Variants in TUSC3 observed in about 807,000 individuals in gnomAD.
The protein encoded by TUSC3 is tumor suppressor candidate 3, also known as dolichyl-diphosphooligosaccharide--protein glycosyltransferase subunit TUSC3.
A neutral mutation model predicts 44.8 loss-of-function variants in TUSC3; 45 were observed. That is an observed-to-expected ratio of 1.00 (90% CI 0.79 to 1.29). The LOEUF (loss-of-function observed/expected upper bound fraction) is 1.29, where lower values mean the gene tolerates loss of function less well. Ranked by LOEUF, TUSC3 falls within the 50% of genes most tolerant of loss-of-function variation. The probability of loss-of-function intolerance (pLI) is 0.00; values close to 1 mark genes in which losing one functional copy is unlikely to be tolerated. For synonymous variants in TUSC3, 212 were observed against 152.9 expected, an observed-to-expected ratio of 1.39 and a Z score of -2.85; for missense variants, 519 against 437.9, an observed-to-expected ratio of 1.19 and a Z score of -1.65.
At chr8:15,568,634 G>C (rs1048579322) in intron 1 of TUSC3, among the ~76,000 whole-genome samples, 6 of 136,420 alleles carry the variant, frequency 4.4e-5, no homozygotes, top group African/African-American at 1.4e-4. Flanking sequence ...GTGGAGTCTT[G>C]CTTTATCGCC....
At chr8:15,721,837 T>C (rs945786024) in intron 6 of TUSC3, among the ~76,000 whole-genome samples, 2 of 152,072 alleles carry the variant, frequency 1.3e-5, no homozygotes, top group Admixed American at 6.6e-5. Context: ...ATTTTTGTTG[T>C]CTCAACATTT....
At chr8:15,496,160 T>C (rs981724968) in intron 2 of TUSC3, among the ~76,000 whole-genome samples, 3 of 152,208 alleles carry the variant, frequency 2.0e-5, no homozygotes, top group Non-Finnish European at 2.9e-5. Context: ...ACGTCCTTGA[T>C]AAATGATGTA....
At chr8:15,707,327 G>A (rs538272179) in intron 6 of TUSC3, among the ~76,000 whole-genome samples, 2 of 152,080 alleles carry the variant, frequency 1.3e-5, no homozygotes, top group East Asian at 3.9e-4. Flanking sequence ...TCTGCAATAA[G>A]CATTGTAATA....
intron 2 of TUSC3, among the ~76,000 whole-genome samples, chr8:15,521,664 A>T (rs1218640036): frequency 1.3e-5 from 2 of 152,154 alleles, no homozygotes; most frequent in Admixed American, 1.3e-4. Flanking sequence ...TTACGAATTT[A>T]TGTTGGGCTG....
chr8:15,716,455 A>C (rs1810063627), intron 6 of TUSC3, among the ~76,000 whole-genome samples: 1 of 152,128 alleles, frequency 6.6e-6, no homozygotes, highest in African/African-American at 2.4e-5. Flanking sequence ...GAAATCTATA[A>C]AGAAAAAGAG....
chr8:15,651,268 T>A (rs1376801947), intron 3 of TUSC3, among the ~76,000 whole-genome samples: 1 of 152,208 alleles, frequency 6.6e-6, no homozygotes, highest in African/African-American at 2.4e-5. Context: ...GATAGTATTT[T>A]GCACAGATTT....
intron 1 of TUSC3, among the ~76,000 whole-genome samples, chr8:15,458,299 C>T (rs965140418): frequency 2.0e-5 from 3 of 152,072 alleles, no homozygotes; most frequent in African/African-American, 7.2e-5. Context: ...GGTACAGTGA[C>T]GTGCTCACAG....
intron 1 of TUSC3, among the ~76,000 whole-genome samples, chr8:15,556,500 G>C: frequency 6.6e-6 from 1 of 151,054 alleles, no homozygotes; most frequent in East Asian, 2.0e-4. Context: ...ACGATTTATA[G>C]TCCTTTGGGT....
intron 2 of TUSC3, among the ~76,000 whole-genome samples, chr8:15,521,261 C>T (rs1445976809): frequency 6.6e-6 from 1 of 152,120 alleles, no homozygotes; most frequent in Admixed American, 6.6e-5. Flanking sequence ...GACGCTTGAT[C>T]CTCGGCTGGG....
At chr8:15,445,165 G>A (rs1800077460) in intron 1 of TUSC3, among the ~76,000 whole-genome samples, 2 of 152,170 alleles carry the variant, frequency 1.3e-5, no homozygotes, top group Non-Finnish European at 1.5e-5. Flanking sequence ...ATGACCGTGG[G>A]TCTGGATGGG....
intron 1 of TUSC3, among the ~76,000 whole-genome samples, chr8:15,418,656 G>C (rs917751937): frequency 2.0e-5 from 3 of 152,152 alleles, no homozygotes; most frequent in Non-Finnish European, 4.4e-5. Context: ...AAGTCAACAA[G>C]GTTAAGACGA....
chr8:15,695,194 C>A (rs1272810107), intron 6 of TUSC3, among the ~76,000 whole-genome samples: 1 of 152,186 alleles, frequency 6.6e-6, no homozygotes, highest in Admixed American at 6.5e-5. Flanking sequence ...ACCTAAATCT[C>A]ATCTTGAATT....
chr8:15,429,812 C>G (rs941429759), intron 1 of TUSC3, among the ~76,000 whole-genome samples: 2 of 151,494 alleles, frequency 1.3e-5, no homozygotes, highest in African/African-American at 4.9e-5. Flanking sequence ...ACCACCGATC[C>G]CACAGAAATA....
At chr8:15,673,365 G>T (rs1261687004) in intron 5 of TUSC3, among the ~76,000 whole-genome samples, 2 of 152,048 alleles carry the variant, frequency 1.3e-5, no homozygotes, top group South Asian at 4.1e-4. Flanking sequence ...ATGTTTAGAG[G>T]ATATAGAAGA....
chr8:15,617,140 T>TGTGTGTGTGTGTGTGTGTGTG (rs1563136021), intron 1 of TUSC3, among the ~76,000 whole-genome samples: 2 of 8,124 alleles, frequency 2.5e-4, no homozygotes, highest in African/African-American at 4.0e-4. Context: ...GTGTATATAT[T>TGTGTGTGTGTGTGTGTGTGTG]TTTTTTTTTT....
intron 1 of TUSC3, among the ~76,000 whole-genome samples, chr8:15,591,493 A>G (rs1002493450): frequency 6.6e-6 from 1 of 152,234 alleles, no homozygotes; most frequent in South Asian, 2.1e-4. Context: ...TATGAGCAAG[A>G]TGTGAATATT....
the TUSC3 span, among the ~76,000 whole-genome samples, chr8:15,850,028 G>A: frequency 2.6e-5 from 4 of 151,934 alleles, no homozygotes; most frequent in Non-Finnish European, 4.4e-5. Flanking sequence ...CTGTCTCCTC[G>A]GGGGCCCCTA....
chr8:15,662,435 A>T, intron 5 of TUSC3, 139 bp downstream of exon 5: 3 of 1,242,022 alleles, frequency 2.4e-6, no homozygotes, highest in Non-Finnish European at 3.4e-6. Flanking sequence ...GAACTTGGAT[A>T]ATTTAGTTTG....
intron 10 of TUSC3, among the ~76,000 whole-genome samples, chr8:15,760,453 G>C (rs999031600): frequency 6.6e-6 from 1 of 152,082 alleles, no homozygotes; most frequent in African/African-American, 2.4e-5. Context: ...TAAGTTTTAT[G>C]CCATCCAGCT....
Sources: gnomAD v4.1 joint callset for allele counts (sites outside exome capture counted in the v4.1 genomes callset) on GRCh38, gnomAD v4.1.1 for gene constraint, MANE v1.5 for transcripts, NCBI Gene and HGNC (gene_info 2026-07-23, HGNC 2026-07-21) for gene names.